The following RIN3 variants were observed in gnomAD, a reference collection of about 807,000 sequenced individuals.
The protein encoded by RIN3 is Ras and Rab interactor 3.
In RIN3, 54 loss-of-function variants were observed where a neutral mutation model predicts 76.3. The ratio of observed to expected loss-of-function variants is 0.71; its 90% confidence interval spans 0.57 to 0.89. The LOEUF (loss-of-function observed/expected upper bound fraction) is 0.89, where lower values mean the gene tolerates loss of function less well. Ranked by LOEUF, RIN3 falls within the 40% of genes least tolerant of loss-of-function variation. The pLI is 0.00. For missense variants in RIN3, 1,256 were observed against 1,322.1 expected (o/e 0.95, Z 0.78); for synonymous variants, 576 against 564.0 (o/e 1.02, Z -0.30).
intron 2 of RIN3, among the ~76,000 whole-genome samples, chr14:92,562,112 G>A (rs1276413552): frequency 6.6e-6 from 1 of 152,192 alleles, no homozygotes. Flanking sequence ...GATGACCTTG[G>A]CAGTTTTGAG....
intron 6 of RIN3, among the ~76,000 whole-genome samples, chr14:92,657,710 T>C (rs114611597): frequency 0.047 from 7,156 of 152,132 alleles, 457 homozygotes; most frequent in African/African-American, 0.14. Flanking sequence ...CTGCGGAGGC[T>C]CCAGTGAGGT....
intron 3 of RIN3, among the ~76,000 whole-genome samples, chr14:92,578,252 AAAAAAAG>A (rs1277132530): frequency 6.6e-6 from 1 of 151,854 alleles, no homozygotes; most frequent in Non-Finnish European, 1.5e-5. Flanking sequence ...AAAAAAAAGA[AAAAAAAG>A]AAAAAAGAAG....
chr14:92,516,296 C>T lies in RIN3; in HGVS notation c.44+2320C>T, dbSNP rs1354041051. On this transcript the variant is annotated intron_variant, in intron 1 of 9. Coordinates refer to ENST00000216487, the MANE Select transcript of RIN3 (RefSeq NM_024832.5). ...GGTATTGGGGGAGGTGGTGGTGGAA[C>T]TCATGTCTCCTGAGCCTTGGCCTGA... Among the ~76,000 whole-genome samples, 6 of 152,136 alleles carry T rather than the reference C, an allele frequency of 3.9e-5. No individual in the cohort carries two copies. In the East Asian group the frequency reaches 1.2e-3, roughly 29 times the overall value.
chr14:92,560,136 C>T (rs1051163828), intron 2 of RIN3, among the ~76,000 whole-genome samples: 6 of 152,304 alleles, frequency 3.9e-5, no homozygotes, highest in South Asian at 2.1e-4. Flanking sequence ...TTCAGTGGTG[C>T]GAGAAGGCTG....
chr14:92,538,042 G>T (rs1025366640), intron 1 of RIN3, among the ~76,000 whole-genome samples: 1 of 152,008 alleles, frequency 6.6e-6, no homozygotes, highest in Non-Finnish European at 1.5e-5. Flanking sequence ...GGCCAGGATG[G>T]TCTCAATCTC....
chr14:92,590,746 C>A (rs1288812685), intron 3 of RIN3, among the ~76,000 whole-genome samples: 17 of 152,198 alleles, frequency 1.1e-4, no homozygotes, highest in African/African-American at 4.1e-4. Context: ...TCCTGCCCAA[C>A]TTAAAGGAGG....
chr14:92,524,013 C>A (rs1423236042), intron 1 of RIN3, among the ~76,000 whole-genome samples: 1 of 152,122 alleles, frequency 6.6e-6, no homozygotes, highest in Admixed American at 6.6e-5. Flanking sequence ...GGCAACACAG[C>A]AAGACCCCGT....
chr14:92,685,015 G>A lies in RIN3; in HGVS notation c.2496G>A (p.Gly832=), dbSNP rs559877205. The A allele has an allele frequency of 1.7e-5, 28 of 1,613,640 alleles. No individual in the cohort carries two copies. Among genetic ancestry groups the A allele is most frequent in the Non-Finnish European group, 2.4e-5 (28 of 1,179,760 alleles). ...CCTACTATCTGACCACCACCTACGG[G>A]GCCCTGGAGCACATCAAGAGCTACG... ...EGSYYLTTTY[G]ALEHIKSYDK... is the part of the protein sequence containing the mutation. The change falls in exon 9 of 10, where the codon GGG becomes GGA. Residue 832 remains glycine, a synonymous_variant. Coordinates refer to ENST00000216487, the MANE Select transcript of RIN3 (RefSeq NM_024832.5). This position sits in a 1 kb window ranked among gnomAD's most constrained non-coding sequence, Gnocchi z 4.7.
chr14:92,595,538 G>C (rs547329180), intron 3 of RIN3, among the ~76,000 whole-genome samples: 2 of 152,148 alleles, frequency 1.3e-5, no homozygotes, highest in Non-Finnish European at 2.9e-5. Context: ...TCCCAGATTT[G>C]CTTTGCTCTG....
intron 3 of RIN3, among the ~76,000 whole-genome samples, chr14:92,582,468 G>A (rs1458095589): frequency 8.0e-6 from 1 of 125,280 alleles, no homozygotes; most frequent in Non-Finnish European, 1.7e-5. Context: ...TTTTCCCTGA[G>A]ATGGAGTCTT....
chr14:92,624,629 T>G (rs1886288517), intron 4 of RIN3, among the ~76,000 whole-genome samples: 1 of 152,150 alleles, frequency 6.6e-6, no homozygotes, highest in South Asian at 2.1e-4. Context: ...TGCTGCAAGC[T>G]GTCTCTGGCT....
chr14:92,525,878 G>T lies in RIN3; in HGVS notation c.44+11902G>T, dbSNP rs545258522. Among the ~76,000 whole-genome samples the T allele has an allele frequency of 2.6e-4, 40 of 152,310 alleles. No individual in the cohort carries two copies. The East Asian group carries it at 7.5e-3, about 29-fold the overall frequency. ...TGCTGTGGCCACAGGGTGCAGGATG[G>T]TCCTATGGAGTGCCGGGGGTCCCTG... On this transcript the variant is annotated intron_variant, in intron 1 of 9. Transcript: ENST00000216487.
rs570497697 is a variant in RIN3, at chr14:92,590,547, A to G, written c.367+13070A>G. On this transcript the variant is annotated intron_variant, in intron 3 of 9. Transcript: ENST00000216487. ...ATAATTGAAAGCTCCCCAAGGTTTC[A>G]CCAGAAGCTGAGCTGATACGAGCAC... is the stretch of plus-strand genomic sequence containing the variant. Among the ~76,000 whole-genome samples, 4 of 152,310 alleles carry G rather than the reference A, an allele frequency of 2.6e-5. No homozygotes were observed. The East Asian group carries it at 7.7e-4, about 29-fold the overall frequency.
At position 92,652,394 on chromosome 14, in the gene RIN3, C is replaced by A; in HGVS notation, c.1345C>A (p.Leu449Met). The A allele has an allele frequency of 6.2e-7, 1 of 1,612,216 alleles. No homozygotes were observed. The highest frequency in any genetic ancestry group is 8.5e-7 in the Non-Finnish European group (1 of 1,179,084). The change falls in exon 6 of 10, where the codon CTG becomes ATG. Residue 449 changes from leucine (L) to methionine (M), a missense_variant. Physicochemically the swap from Leu to Met is conservative, Grantham distance 15 (BLOSUM62 2). Coordinates refer to ENST00000216487, the MANE Select transcript of RIN3 (RefSeq NM_024832.5). The surrounding 1 kb of genome is among the most constrained non-coding windows in gnomAD (Gnocchi z 6.4). ...CAGCGATCCTCACAGCATGCCAGAG[C>A]TGCCCAGGACAGCCAAACAACCCCC... ...KASDPHSMPE[L>M]PRTAKQPPVP...
intron 3 of RIN3, among the ~76,000 whole-genome samples, chr14:92,613,076 T>A (rs1247219343): frequency 2.0e-5 from 3 of 152,252 alleles, no homozygotes; most frequent in African/African-American, 7.2e-5. Flanking sequence ...TTGTTGAGTA[T>A]GCCTGGTATG....
chr14:92,584,309 G>A (rs1566854516), intron 3 of RIN3, among the ~76,000 whole-genome samples: 1 of 152,214 alleles, frequency 6.6e-6, no homozygotes, highest in Non-Finnish European at 1.5e-5. Flanking sequence ...ATTCAGGCGG[G>A]AAGAGAAAGC....
chr14:92,567,811 A>C (rs1440122936), intron 2 of RIN3, among the ~76,000 whole-genome samples: 1 of 152,154 alleles, frequency 6.6e-6, no homozygotes, highest in East Asian at 1.9e-4. Context: ...CAAGCATAGT[A>C]ATAATCCTAT....
intron 3 of RIN3, among the ~76,000 whole-genome samples, chr14:92,592,264 C>T (rs1244257765): frequency 6.6e-6 from 1 of 151,678 alleles, no homozygotes; most frequent in Non-Finnish European, 1.5e-5. Flanking sequence ...TTAGCTGGGC[C>T]TGGTGGTTTG....
intron 5 of RIN3, among the ~76,000 whole-genome samples, chr14:92,642,589 A>G (rs1887055786): frequency 6.6e-6 from 1 of 152,060 alleles, no homozygotes; most frequent in Non-Finnish European, 1.5e-5. Context: ...TGCCCAGAAC[A>G]TTGGTGCCTT....
Sources: allele counts gnomAD v4.1 joint callset (sites outside exome capture counted in the v4.1 genomes callset), GRCh38; gene constraint gnomAD v4.1.1; non-coding constraint Gnocchi (gnomAD v3.1); transcripts MANE v1.5; gene names NCBI Gene and HGNC (gene_info 2026-07-23, HGNC 2026-07-21).